Variants in IL1RAPL1 observed in about 807,000 individuals in gnomAD.
IL1RAPL1 encodes the protein interleukin 1 receptor accessory protein like 1.
IL1RAPL1 carries 3 observed loss-of-function variants against 48.4 expected under a neutral mutation model. The observed-to-expected ratio is 0.06, with a 90% CI of 0.03 to 0.16. The LOEUF is 0.16. Among genes scored for constraint, IL1RAPL1 ranks in the 10% least tolerant of loss-of-function variants. IL1RAPL1 has a pLI of 1.00. For synonymous variants in IL1RAPL1, 185 were observed against 187.7 expected, an observed-to-expected ratio of 0.99 and a Z score of 0.12; for missense variants, 349 against 530.6, an observed-to-expected ratio of 0.66 and a Z score of 3.36.
chrX:29,458,861 AC>A (rs1215360350), intron 5 of IL1RAPL1, among the ~76,000 whole-genome samples: 1 of 110,637 alleles, frequency 9.0e-6, no homozygotes, highest in African/African-American at 3.3e-5. Flanking sequence ...GCCTCAGAAA[AC>A]TTTTTTACGT....
At chrX:29,290,283 C>T (rs992579239) in intron 3 of IL1RAPL1, among the ~76,000 whole-genome samples, 1 of 111,559 alleles carries the variant, frequency 9.0e-6, no homozygotes, top group African/African-American at 3.3e-5. Context: ...CTGCATGTAA[C>T]GGCAAACAAG....
rs1417457710 is a variant in IL1RAPL1 at position 28,587,576 on chromosome X, A to C, written c.-496A>C. The C allele has an allele frequency of 9.0e-6, 1 of 110,981 alleles. No individual in the cohort carries two copies. Among genetic ancestry groups the C allele is most frequent in the Non-Finnish European group, 1.9e-5 (1 of 52,989 alleles). 9.1% of individuals were successfully genotyped at this position (110,981 alleles called of 1,213,427 possible). ...GGACCAGGAGGATTTGAAAGGCTGC[A>C]TGTACTCAGAAGATTTGCAAGCAAC... On this transcript the variant is annotated 5_prime_UTR_variant, in exon 1 of 11. It removes an upstream start codon present in the reference 5' UTR. Coordinates refer to ENST00000378993, the MANE Select transcript of IL1RAPL1 (RefSeq NM_014271.4).
chrX:29,892,633 A>G (rs1040014284), intron 6 of IL1RAPL1, among the ~76,000 whole-genome samples: 3 of 112,534 alleles, frequency 2.7e-5, no homozygotes, highest in African/African-American at 9.7e-5. Context: ...ATCTTTCTGC[A>G]TGGACTGGAT....
intron 6 of IL1RAPL1, among the ~76,000 whole-genome samples, chrX:29,906,260 G>A (rs1011403304): frequency 3.9e-5 from 4 of 103,221 alleles, no homozygotes; most frequent in East Asian, 3.1e-4. Flanking sequence ...GCGTGAACCC[G>A]GGAGGCGGAG....
chrX:29,239,040 A>G (rs1003262433), intron 2 of IL1RAPL1, among the ~76,000 whole-genome samples: 1 of 112,668 alleles, frequency 8.9e-6, no homozygotes, highest in African/African-American at 3.2e-5. Context: ...ATTTTAAATT[A>G]TCTTTTTCAT....
At chrX:28,815,865 ATATATATATATATATAT>A (rs1936861323) in intron 2 of IL1RAPL1, among the ~76,000 whole-genome samples, 1 of 73,346 alleles carries the variant, frequency 1.4e-5, no homozygotes, top group African/African-American at 4.5e-5. Context: ...ATATATATAT[ATATATATATATATATAT>A]ATAATTTTTT....
chrX:29,935,070 T>A (rs1569207346), intron 8 of IL1RAPL1, among the ~76,000 whole-genome samples: 2 of 111,178 alleles, frequency 1.8e-5, no homozygotes, highest in Admixed American at 9.6e-5. Flanking sequence ...GTCCCTCAGT[T>A]TGGATTGGCT....
chrX:28,939,590 T>A (rs745628462), intron 2 of IL1RAPL1, among the ~76,000 whole-genome samples: 3 of 110,829 alleles, frequency 2.7e-5, no homozygotes, highest in South Asian at 3.8e-4. Flanking sequence ...CTACGTTTAG[T>A]ACCTGGGCCA....
chrX:29,712,514 C>A (rs1042429171), intron 6 of IL1RAPL1, among the ~76,000 whole-genome samples: 13 of 111,654 alleles, frequency 1.2e-4, no homozygotes, highest in South Asian at 3.7e-4. Flanking sequence ...CTTATGATGT[C>A]TAAATATGAA....
intron 6 of IL1RAPL1, among the ~76,000 whole-genome samples, chrX:29,912,560 G>A (rs1292637976): frequency 8.9e-6 from 1 of 112,012 alleles, no homozygotes; most frequent in Non-Finnish European, 1.9e-5. Context: ...TATGGAGAAA[G>A]GAGAAGAGAA....
In IL1RAPL1 at chrX:29,587,261, C is replaced by G. The variant is rs148075493; in HGVS notation, c.704-81169C>G. On this transcript the variant is annotated intron_variant, in intron 5 of 10. Transcript: ENST00000378993. Reference sequence around the variant, plus strand: ...TGGGAAAATTCTGTATGTACTCAATCTCAACTTTCCTCCTTGAAAGTTAAT... The same window carrying G: ...TGGGAAAATTCTGTATGTACTCAATGTCAACTTTCCTCCTTGAAAGTTAAT... Among the ~76,000 whole-genome samples the G allele has an allele frequency of 1.6e-4, 18 of 109,482 alleles. No homozygotes were observed. The East Asian group carries it at 4.9e-3, about 30-fold the overall frequency.
chrX:29,714,096 A>G (rs1286931107), intron 6 of IL1RAPL1, among the ~76,000 whole-genome samples: 5 of 112,094 alleles, frequency 4.5e-5, no homozygotes, highest in Non-Finnish European at 9.4e-5. Flanking sequence ...GTCTGCCACT[A>G]CTGGTTAATC....
At chrX:29,421,282 G>A (rs1175109940) in intron 5 of IL1RAPL1, among the ~76,000 whole-genome samples, 1 of 110,749 alleles carries the variant, frequency 9.0e-6, no homozygotes, top group South Asian at 3.8e-4. Context: ...AAAGTGAGAT[G>A]GGGTCCTGCT....
At chrX:29,832,349 C>A (rs1930898746) in intron 6 of IL1RAPL1, among the ~76,000 whole-genome samples, 1 of 111,801 alleles carries the variant, frequency 8.9e-6, no homozygotes. Context: ...CTTTCCCAAC[C>A]ATCACATTCA....
intron 2 of IL1RAPL1, among the ~76,000 whole-genome samples, chrX:28,928,325 T>C (rs769575261): frequency 8.9e-6 from 1 of 111,763 alleles, no homozygotes; most frequent in South Asian, 3.7e-4. Flanking sequence ...TTATTTCCTG[T>C]CATGTTTTTT....
At chrX:29,836,195 T>C (rs1002105887) in intron 6 of IL1RAPL1, among the ~76,000 whole-genome samples, 2 of 32,297 alleles carry the variant, frequency 6.2e-5, no homozygotes, top group African/African-American at 1.1e-4. Flanking sequence ...TTTCTTTTTT[T>C]TTTTTTTTTT....
intron 3 of IL1RAPL1, among the ~76,000 whole-genome samples, chrX:29,354,000 A>G (rs781521253): frequency 1.8e-5 from 2 of 110,755 alleles, no homozygotes; most frequent in South Asian, 7.7e-4. Flanking sequence ...GGCAAAATTG[A>G]GACTCATAAA....
At chrX:29,217,437 T>C (rs1930891317) in intron 2 of IL1RAPL1, among the ~76,000 whole-genome samples, 1 of 112,437 alleles carries the variant, frequency 8.9e-6, no homozygotes, top group Admixed American at 9.5e-5. Flanking sequence ...ATGGTCTTTG[T>C]AACAACTGTA....
At chrX:28,675,879 T>C (rs1208487368) in intron 1 of IL1RAPL1, among the ~76,000 whole-genome samples, 1 of 112,197 alleles carries the variant, frequency 8.9e-6, no homozygotes. Flanking sequence ...CTCTTTATGA[T>C]GCAGAACATG....
Sources: allele counts gnomAD v4.1 joint callset (sites outside exome capture counted in the v4.1 genomes callset), GRCh38; gene constraint gnomAD v4.1.1; transcripts MANE v1.5; gene names NCBI Gene and HGNC (gene_info 2026-07-23, HGNC 2026-07-21).